CTNNA3: variants seen among roughly 807,000 people sequenced by gnomAD.
CTNNA3 encodes catenin alpha 3.
Under a neutral mutation model 95.7 loss-of-function variants are expected in CTNNA3, and 76 were observed. The ratio of observed to expected loss-of-function variants is 0.79; its 90% CI spans 0.66 to 0.96. The LOEUF (loss-of-function observed/expected upper bound fraction) is 0.96, where lower values mean the gene tolerates loss of function less well. Ranked by LOEUF, CTNNA3 falls within the 40% of genes least tolerant of loss-of-function variation. The pLI, the probability that CTNNA3 is intolerant of heterozygous loss-of-function variation, is 0.00. For synonymous variants in CTNNA3, 431 were observed against 374.4 expected (o/e 1.15, Z -1.74); for missense variants, 1,191 against 1,089.8 (o/e 1.09, Z -1.31).
At chr10:66,201,629 C>T (rs1191133513) in intron 13 of CTNNA3, among the ~76,000 whole-genome samples, 7 of 152,030 alleles carry the variant, frequency 4.6e-5, no homozygotes, top group East Asian at 1.9e-4. Context: ...ATATTTGTTA[C>T]GGTAATACCC....
chr10:66,923,873 T>G (rs964218059), intron 7 of CTNNA3, among the ~76,000 whole-genome samples: 6 of 152,180 alleles, frequency 3.9e-5, no homozygotes, highest in African/African-American at 1.4e-4. Flanking sequence ...TAAAAACATA[T>G]TTTTTTCAAT....
At chr10:67,143,498 T>G (rs1209727071) in intron 7 of CTNNA3, among the ~76,000 whole-genome samples, 1 of 151,254 alleles carries the variant, frequency 6.6e-6, no homozygotes. Flanking sequence ...ACAGTAGCAC[T>G]TCTTTCAAAA....
At chr10:67,023,528 G>C (rs540826754) in intron 7 of CTNNA3, among the ~76,000 whole-genome samples, 8 of 152,234 alleles carry the variant, frequency 5.3e-5, no homozygotes, top group Middle Eastern at 3.4e-3. Context: ...AGGGATCTAT[G>C]ATAATACATG....
At chr10:67,196,591 C>T (rs1863379585) in intron 6 of CTNNA3, among the ~76,000 whole-genome samples, 1 of 152,032 alleles carries the variant, frequency 6.6e-6, no homozygotes, top group South Asian at 2.1e-4. Context: ...TCTGATTTCA[C>T]TCATTTCACC....
chr10:66,492,606 T>C (rs1011707978), intron 11 of CTNNA3, among the ~76,000 whole-genome samples: 3 of 152,160 alleles, frequency 2.0e-5, no homozygotes, highest in Non-Finnish European at 4.4e-5. Flanking sequence ...CCCCATTTTT[T>C]TGACAACAGG....
At chr10:66,425,266 T>A (rs1249908859) in intron 11 of CTNNA3, among the ~76,000 whole-genome samples, 1 of 151,854 alleles carries the variant, frequency 6.6e-6, no homozygotes, top group Non-Finnish European at 1.5e-5. Flanking sequence ...GTTTTTTTAA[T>A]CTAATATAAT....
chr10:67,750,759 C>T, intron 1 of CTNNA3: 1 of 1,600,710 alleles, frequency 6.2e-7, no homozygotes, highest in African/African-American at 1.3e-5. Flanking sequence ...CCCTTGGGGT[C>T]TCCAATTTCA....
intron 11 of CTNNA3, among the ~76,000 whole-genome samples, chr10:66,428,393 C>G (rs1477737533): frequency 1.3e-5 from 2 of 152,100 alleles, no homozygotes; most frequent in Admixed American, 6.6e-5. Flanking sequence ...CAGCTCTGCA[C>G]CAAGCAGACC....
intron 11 of CTNNA3, among the ~76,000 whole-genome samples, chr10:66,501,292 A>G (rs1454067348): frequency 6.6e-6 from 1 of 152,170 alleles, no homozygotes; most frequent in Non-Finnish European, 1.5e-5. Flanking sequence ...AATATATGAA[A>G]TAGTGATCAC....
intron 11 of CTNNA3, among the ~76,000 whole-genome samples, chr10:66,461,517 G>C (rs2093528906): frequency 6.6e-6 from 1 of 151,948 alleles, no homozygotes; most frequent in Non-Finnish European, 1.5e-5. Context: ...GACTCAAGTA[G>C]TTTCGGATCC....
At chr10:67,154,049 T>TA (rs891625186) in intron 7 of CTNNA3, among the ~76,000 whole-genome samples, 9 of 151,870 alleles carry the variant, frequency 5.9e-5, no homozygotes, top group African/African-American at 1.7e-4. Flanking sequence ...AATTCTCAAT[T>TA]AAAAAAAACT....
chr10:67,687,298 G>A (rs1008231399), intron 1 of CTNNA3, among the ~76,000 whole-genome samples: 1 of 152,198 alleles, frequency 6.6e-6, no homozygotes, highest in Non-Finnish European at 1.5e-5. Flanking sequence ...GGGGCTTCTG[G>A]CCCAGAGAAC....
In CTNNA3 at chr10:67,550,676, G is replaced by GTAGAATAAAGAAATTTCTTTATTCA. The variant is rs1339192377; in HGVS notation, c.293-11032_293-11008dup. ...TAAAGAATAAAGAAATTTCTTTACCGTAGAATAAAGAAATTTCTTTATTCA... is the reference window on the plus strand; with the variant it reads ...TAAAGAATAAAGAAATTTCTTTACCGTAGAATAAAGAAATTTCTTTATTCATAGAATAAAGAAATTTCTTTATTCA... On this transcript the variant is annotated intron_variant, in intron 3 of 17. Coordinates refer to ENST00000433211, the MANE Select transcript of CTNNA3 (RefSeq NM_013266.4). Among the ~76,000 whole-genome samples, 785 of 136,604 alleles carry GTAGAATAAAGAAATTTCTTTATTCA rather than the reference G, an allele frequency of 5.7e-3. 2 individuals are homozygous for GTAGAATAAAGAAATTTCTTTATTCA. Among genetic ancestry groups the GTAGAATAAAGAAATTTCTTTATTCA allele is most frequent in the African/African-American group, 0.011 (380 of 33,416 alleles). 89.6% of individuals were successfully genotyped at this position (136,604 alleles called of 152,430 possible). A position where few individuals can be genotyped will look rare whatever the true frequency, so the allele number is the denominator to read the frequency against.
chr10:66,069,063 G>C (rs2080373415), intron 15 of CTNNA3, among the ~76,000 whole-genome samples: 1 of 152,142 alleles, frequency 6.6e-6, no homozygotes, highest in African/African-American at 2.4e-5. Flanking sequence ...GCCTGGGGAA[G>C]GGGAAGGTGA....
At chr10:66,488,337 A>G (rs1406411830) in intron 11 of CTNNA3, among the ~76,000 whole-genome samples, 1 of 152,198 alleles carries the variant, frequency 6.6e-6, no homozygotes, top group Non-Finnish European at 1.5e-5. Context: ...AGCCTAGGCA[A>G]GGCTATCTTT....
chr10:67,455,223 T>C (rs1296383385), intron 5 of CTNNA3, among the ~76,000 whole-genome samples: 2 of 152,150 alleles, frequency 1.3e-5, no homozygotes, highest in African/African-American at 4.8e-5. Context: ...GCATCTTAGA[T>C]ACAATAAAAT....
intron 9 of CTNNA3, among the ~76,000 whole-genome samples, chr10:66,729,580 G>A (rs958757742): frequency 6.6e-6 from 1 of 152,226 alleles, no homozygotes; most frequent in African/African-American, 2.4e-5. Flanking sequence ...TTATAAGTGG[G>A]AGCTAAGCTA....
At chr10:66,123,080 A>G (rs183899865) in intron 13 of CTNNA3, among the ~76,000 whole-genome samples, 2 of 152,280 alleles carry the variant, frequency 1.3e-5, no homozygotes, top group Non-Finnish European at 2.9e-5. Context: ...GTCTTAACTC[A>G]TTTCAGCATG....
chr10:66,868,068 T>A (rs1205331721), intron 7 of CTNNA3, among the ~76,000 whole-genome samples: 1 of 149,546 alleles, frequency 6.7e-6, no homozygotes, highest in Non-Finnish European at 1.5e-5. Context: ...TATATAAAAC[T>A]ATAATTAGCC....
Sources: gnomAD v4.1 joint callset for allele counts (sites outside exome capture counted in the v4.1 genomes callset) on GRCh38, gnomAD v4.1.1 for gene constraint, MANE v1.5 for transcripts, NCBI Gene and HGNC (gene_info 2026-07-23, HGNC 2026-07-21) for gene names.